The following CMBL variants were observed in gnomAD, a reference collection of about 807,000 sequenced individuals.
The protein encoded by CMBL is carboxymethylenebutenolidase homolog (Pseudomonas).
Under a neutral mutation model 28.7 loss-of-function variants are expected in CMBL, and 17 were observed. The ratio of observed to expected loss-of-function variants is 0.59; its 90% CI spans 0.41 to 0.89. CMBL has a LOEUF of 0.89. Among genes scored for constraint, CMBL ranks in the 40% least tolerant of loss-of-function variants. The probability of loss-of-function intolerance (pLI) is 0.00; values close to 1 mark genes in which losing one functional copy is unlikely to be tolerated. For missense variants in CMBL, 310 were observed against 298.5 expected (o/e 1.04, Z -0.28); for synonymous variants, 106 against 101.6 (o/e 1.04, Z -0.26).
chr5:10,292,348 G>A (rs561143257), intron 1 of CMBL, among the ~76,000 whole-genome samples: 1 of 152,044 alleles, frequency 6.6e-6, no homozygotes, highest in Non-Finnish European at 1.5e-5. Flanking sequence ...TGGGACTATG[G>A]CACACACCAC....
At chr5:10,282,344 C>A in intron 4 of CMBL, 56 bp from the exon 5 acceptor site, 1 of 993,098 alleles carries the variant, frequency 1.0e-6, no homozygotes, top group Non-Finnish European at 1.6e-6. Flanking sequence ...GCCACATGAT[C>A]CCCACACCCA....
intron 1 of CMBL, among the ~76,000 whole-genome samples, chr5:10,304,326 T>C (rs115851216): frequency 3.3e-4 from 50 of 152,294 alleles, no homozygotes; most frequent in African/African-American, 1.1e-3. Flanking sequence ...CCAATGATCA[T>C]GCCACTGCAC....
intron 1 of CMBL, among the ~76,000 whole-genome samples, chr5:10,301,261 G>C (rs1746892797): frequency 6.6e-6 from 1 of 152,116 alleles, no homozygotes; most frequent in South Asian, 2.1e-4. Flanking sequence ...TTCATAATTA[G>C]AAATAAAGTA....
At chr5:10,300,920 T>A (rs1169793726) in intron 1 of CMBL, among the ~76,000 whole-genome samples, 1 of 150,578 alleles carries the variant, frequency 6.6e-6, no homozygotes, top group African/African-American at 2.4e-5. Context: ...CATAATGCTA[T>A]GTAAAAAGAC....
At chr5:10,290,319 G>C in intron 2 of CMBL, 2 of 552,472 alleles carry the variant, frequency 3.6e-6, no homozygotes, top group South Asian at 2.1e-5. Flanking sequence ...CTAAAGGCCA[G>C]GTACTCCCAG....
intron 1 of CMBL, among the ~76,000 whole-genome samples, chr5:10,293,553 T>TA (rs1245751058): frequency 2.6e-5 from 4 of 151,088 alleles, no homozygotes; most frequent in South Asian, 2.1e-4. Flanking sequence ...ATGTTAAAAC[T>TA]AAAAAAAAGA....
Position 10,288,533 on chromosome 5 carries a change from C to A in CMBL, c.216-4G>T. 1 of 1,590,540 alleles carries A rather than the reference C, an allele frequency of 6.3e-7. No homozygotes were observed. Among genetic ancestry groups the A allele is most frequent in the Non-Finnish European group, 8.6e-7 (1 of 1,158,676 alleles). Reference sequence around the variant, plus strand: ...AAAGAAGTCTGGAACAATGGTTCTGCAAAATATGGACATGAATTGATCTTA... The same window carrying A: ...AAAGAAGTCTGGAACAATGGTTCTGAAAAATATGGACATGAATTGATCTTA... On this transcript the variant is annotated splice_polypyrimidine_tract_variant and splice_region_variant and intron_variant, in intron 2 of 5. Transcript: ENST00000296658.
intron 1 of CMBL, among the ~76,000 whole-genome samples, chr5:10,293,187 A>C (rs2126553406): frequency 6.6e-6 from 1 of 152,390 alleles, no homozygotes; most frequent in Admixed American, 6.5e-5. Flanking sequence ...AGTAAGCTAA[A>C]TATCAAGAAG....
chr5:10,285,700 C>CTCTT (rs1746587929), intron 4 of CMBL, among the ~76,000 whole-genome samples: 22 of 133,706 alleles, frequency 1.6e-4, no homozygotes, highest in Non-Finnish European at 3.3e-4. Context: ...CTTTCTTTTT[C>CTCTT]TTTTTTTTTT....
At chr5:10,281,522 G>A (rs964037076) in intron 5 of CMBL, among the ~76,000 whole-genome samples, 2 of 152,152 alleles carry the variant, frequency 1.3e-5, no homozygotes, top group African/African-American at 4.8e-5. Context: ...CCAGCTAAAT[G>A]ACTGCTTTTG....
intron 1 of CMBL, among the ~76,000 whole-genome samples, chr5:10,303,042 T>G (rs1746936791): frequency 6.6e-6 from 1 of 152,204 alleles, no homozygotes; most frequent in African/African-American, 2.4e-5. Context: ...AATAAGAACT[T>G]TGGTCTCCCA....
intron 1 of CMBL, chr5:10,292,077 T>C (rs1746729632): frequency 6.6e-6 from 1 of 152,208 alleles, no homozygotes; most frequent in African/African-American, 2.4e-5. Flanking sequence ...GTGGGAGTAG[T>C]AGAACAAGGA....
In CMBL at chr5:10,280,193, C is replaced by A. The variant is rs918106864; in HGVS notation, c.*260G>T. ...ACCTCAGGTGATCCACCCACTTTGG[C>A]CTCCCAAAGTGCTGGAATTACAGGC... is the stretch of plus-strand genomic sequence containing the variant. On this transcript the variant is annotated 3_prime_UTR_variant, in exon 6 of 6. Transcript: ENST00000296658. 2 of 273,608 alleles carry A rather than the reference C, an allele frequency of 7.3e-6. No individual in the cohort carries two copies. Among genetic ancestry groups the A allele is most frequent in the Non-Finnish European group, 1.4e-5 (2 of 145,084 alleles). 16.9% of individuals were successfully genotyped at this position (273,608 alleles called of 1,614,324 possible).
At chr5:10,301,524 C>G (rs1214807120) in intron 1 of CMBL, among the ~76,000 whole-genome samples, 1 of 151,772 alleles carries the variant, frequency 6.6e-6, no homozygotes, top group Non-Finnish European at 1.5e-5. Context: ...AGTGAGGGCT[C>G]AGTTCCAAGA....
chr5:10,290,840 G>T, intron 1 of CMBL, 59 bp from the exon 2 acceptor site: 2 of 1,291,502 alleles, frequency 1.5e-6, no homozygotes, highest in South Asian at 2.5e-5. Context: ...GGCTATAAAT[G>T]GTAAGTAAAC....
chr5:10,284,527 C>T (rs1348964530), intron 4 of CMBL, among the ~76,000 whole-genome samples: 2 of 152,190 alleles, frequency 1.3e-5, no homozygotes, highest in African/African-American at 4.8e-5. Context: ...TCCCCAAGTA[C>T]CCAGACAACC....
intron 1 of CMBL, among the ~76,000 whole-genome samples, chr5:10,292,738 C>T (rs1746748318): frequency 6.6e-6 from 1 of 150,468 alleles, no homozygotes; most frequent in Admixed American, 6.7e-5. Flanking sequence ...GCAGGAGAAT[C>T]GCTCGAACTC....
Position 10,280,509 on chromosome 5 carries a change from G to A in CMBL, c.682C>T (p.Pro228Ser). The change falls in exon 6 of 6, where the codon CCC (proline) becomes TCC (serine). Residue 228 changes from proline (P) to serine (S), a missense_variant. Physicochemically the swap from Pro to Ser is moderately conservative, Grantham distance 74. Coordinates refer to ENST00000296658, the MANE Select transcript of CMBL (RefSeq NM_138809.4). ...TTCCTTCTGGCCTCGTCAATGTAGG[G>A]CTTGTCTGCAGGTGAGCAATCTTCT... is the stretch of plus-strand genomic sequence containing the variant. Reference protein sequence around the residue: ...KREDCSPADKPYIDEARRNLI... With the variant: ...KREDCSPADKSYIDEARRNLI... 2 of 1,613,582 alleles carry A rather than the reference G, an allele frequency of 1.2e-6. No individual in the cohort carries two copies. Among genetic ancestry groups the A allele is most frequent in the Non-Finnish European group, 1.7e-6 (2 of 1,179,632 alleles).
intron 1 of CMBL, among the ~76,000 whole-genome samples, chr5:10,291,816 C>T (rs1182412561): frequency 6.6e-6 from 1 of 152,208 alleles, no homozygotes; most frequent in Non-Finnish European, 1.5e-5. Context: ...TGCAAATCCA[C>T]TTTACCACAA....
Sources: allele counts gnomAD v4.1 joint callset (sites outside exome capture counted in the v4.1 genomes callset), GRCh38; gene constraint gnomAD v4.1.1; transcripts MANE v1.5; gene names NCBI Gene and HGNC (gene_info 2026-07-23, HGNC 2026-07-21).